GPC6: variants seen among roughly 807,000 people sequenced by gnomAD.
The protein encoded by GPC6 is glypican-6.
GPC6 carries 14 observed loss-of-function variants against 55.2 expected under a neutral mutation model. That is an observed-to-expected ratio of 0.25 (90% confidence interval 0.17 to 0.40). The LOEUF is 0.40. GPC6 is among the 10% of genes least tolerant of loss of function. The probability of loss-of-function intolerance (pLI) is 1.00; values close to 1 mark genes in which losing one functional copy is unlikely to be tolerated. For missense variants in GPC6, 641 were observed against 708.5 expected, an observed-to-expected ratio of 0.90 and a Z score of 1.08; for synonymous variants, 278 against 259.6, an observed-to-expected ratio of 1.07 and a Z score of -0.68.
At chr13:93,288,788 C>A (rs777485279) in intron 1 of GPC6, among the ~76,000 whole-genome samples, 2 of 152,162 alleles carry the variant, frequency 1.3e-5, no homozygotes, top group African/African-American at 2.4e-5. Context: ...GTAGGGCAAC[C>A]TGCAGGCATG....
Position 93,743,617 on chromosome 13 carries a change from C to A in GPC6, c.320-86537C>A, listed in dbSNP as rs113702776. 7.9e-3 allele frequency among the ~76,000 whole-genome samples: 1,200 copies of A among 152,104 alleles called. 5 individuals carry two copies. Among genetic ancestry groups the A allele is most frequent in the Non-Finnish European group, 0.012 (809 of 67,974 alleles). ...CTGTTTTATTGTACTCTTCTATGAG[C>A]CAACTCTTTGTTTATATTATTCTGA... On this transcript the variant is annotated intron_variant, in intron 2 of 8. Coordinates refer to ENST00000377047, the MANE Select transcript of GPC6 (RefSeq NM_005708.5).
chr13:93,886,033 A>G (rs984072398), intron 3 of GPC6, among the ~76,000 whole-genome samples: 1 of 152,116 alleles, frequency 6.6e-6, no homozygotes, highest in South Asian at 2.1e-4. Context: ...AGTTATTTTA[A>G]TTTGAATGTT....
At chr13:93,273,539 T>A (rs1877618960) in intron 1 of GPC6, among the ~76,000 whole-genome samples, 1 of 151,878 alleles carries the variant, frequency 6.6e-6, no homozygotes, top group Admixed American at 6.6e-5. Context: ...GCGCCTGTAG[T>A]CCCAGCTACT....
At chr13:93,573,478 A>C (rs1876508358) in intron 2 of GPC6, among the ~76,000 whole-genome samples, 1 of 148,930 alleles carries the variant, frequency 6.7e-6, no homozygotes, top group Admixed American at 6.7e-5. Context: ...GGGAAACTAC[A>C]AAAAAAAAAG....
intron 5 of GPC6, among the ~76,000 whole-genome samples, chr13:94,303,644 T>G (rs1875780627): frequency 6.6e-6 from 1 of 152,114 alleles, no homozygotes; most frequent in Non-Finnish European, 1.5e-5. Context: ...TTCCTCAGTT[T>G]TGGTCACAGA....
At chr13:93,682,642 AT>A (rs1045384911) in intron 2 of GPC6, among the ~76,000 whole-genome samples, 1 of 152,196 alleles carries the variant, frequency 6.6e-6, no homozygotes, top group Admixed American at 6.6e-5. Flanking sequence ...AATATTTGCT[AT>A]TTAGATTTCT....
chr13:93,943,646 G>A (rs780530106), intron 3 of GPC6, among the ~76,000 whole-genome samples: 1 of 152,002 alleles, frequency 6.6e-6, no homozygotes, highest in Non-Finnish European at 1.5e-5. Flanking sequence ...TGTAAAGATG[G>A]CTTCTTGCTC....
At chr13:93,746,498 A>G (rs1314086475) in intron 2 of GPC6, among the ~76,000 whole-genome samples, 2 of 152,208 alleles carry the variant, frequency 1.3e-5, no homozygotes, top group Non-Finnish European at 2.9e-5. Flanking sequence ...AGAACCCTAG[A>G]GCATCAAAAA....
Position 93,271,537 on chromosome 13 carries a change from C to T in GPC6, c.160+43921C>T, listed in dbSNP as rs73540363. On this transcript the variant is annotated intron_variant, in intron 1 of 8. Coordinates refer to ENST00000377047, the MANE Select transcript of GPC6 (RefSeq NM_005708.5). ...GATACAGCTTTAGAGTATAGATGTA[C>T]TCTTACACAGAGATCTAAAAGTAAA... Among the ~76,000 whole-genome samples, 727 of 151,646 alleles carry T rather than the reference C, an allele frequency of 4.8e-3. 4 individuals are homozygous for T. The highest frequency in any genetic ancestry group is 0.015 in the African/African-American group (631 of 41,332).
At chr13:93,298,823 G>T (rs1276071322) in intron 1 of GPC6, among the ~76,000 whole-genome samples, 1 of 151,240 alleles carries the variant, frequency 6.6e-6, no homozygotes, top group Non-Finnish European at 1.5e-5. Flanking sequence ...GTCTAGGTTA[G>T]GTATCTCTCA....
chr13:94,189,623 G>C (rs903744317), intron 4 of GPC6, among the ~76,000 whole-genome samples: 1 of 152,192 alleles, frequency 6.6e-6, no homozygotes, highest in Non-Finnish European at 1.5e-5. Context: ...GTCAAGGAAG[G>C]AGTAAATTTT....
intron 4 of GPC6, among the ~76,000 whole-genome samples, chr13:94,095,547 T>C (rs1885627896): frequency 6.6e-6 from 1 of 152,340 alleles, no homozygotes; most frequent in South Asian, 2.1e-4. Context: ...CAAAATCTGC[T>C]GTGCATTTTA....
intron 2 of GPC6, among the ~76,000 whole-genome samples, chr13:93,737,864 ATCAGCT>A (rs1182173143): frequency 2.0e-5 from 3 of 152,094 alleles, no homozygotes; most frequent in African/African-American, 7.2e-5. Context: ...TTTTTCTAAG[ATCAGCT>A]TTTCCTTAAT....
chr13:93,899,509 A>G (rs1485434488), intron 3 of GPC6, among the ~76,000 whole-genome samples: 3 of 152,046 alleles, frequency 2.0e-5, no homozygotes, highest in African/African-American at 4.8e-5. Context: ...TGAGTCTGGT[A>G]TAGCCAGGAA....
chr13:93,963,247 G>C lies in GPC6; in HGVS notation c.712-64482G>C, dbSNP rs75122519. ...TTTAGAAAAGGGTTTTCATGGTCTT[G>C]ATGAGCTTTATTTTTTTTTTCTGCA... On this transcript the variant is annotated intron_variant, in intron 3 of 8. Coordinates refer to ENST00000377047, the MANE Select transcript of GPC6 (RefSeq NM_005708.5). Among the ~76,000 whole-genome samples, 14 of 152,116 alleles carry C rather than the reference G, an allele frequency of 9.2e-5. No individual in the cohort carries two copies. In the East Asian group the frequency reaches 2.5e-3, roughly 27 times the overall value.
chr13:93,454,304 C>T (rs145360526), intron 1 of GPC6, among the ~76,000 whole-genome samples: 2 of 149,620 alleles, frequency 1.3e-5, no homozygotes, highest in African/African-American at 2.5e-5. Flanking sequence ...ACTCACAAAC[C>T]CTTTGAGCTA....
chr13:93,591,795 A>T (rs1877502277), intron 2 of GPC6, among the ~76,000 whole-genome samples: 1 of 152,170 alleles, frequency 6.6e-6, no homozygotes, highest in African/African-American at 2.4e-5. Flanking sequence ...ACTTCCCATC[A>T]GTTTGGAAGT....
At position 94,336,562 on chromosome 13, in the gene GPC6, G is replaced by GT. The variant is rs749970455; in HGVS notation, c.1152+30445dup. 3.3e-5 allele frequency among the ~76,000 whole-genome samples: 5 copies of GT among 152,288 alleles called. No homozygotes were observed. The East Asian group carries it at 9.7e-4, about 30-fold the overall frequency. ...GTAAAATATCTGCACGTCGGTAGCG[G>GT]TTTTTTAATTTGTTGCTCTTCCCAG... On this transcript the variant is annotated intron_variant, in intron 6 of 8. Transcript: ENST00000377047.
At chr13:94,071,457 T>A (rs1226045399) in intron 4 of GPC6, among the ~76,000 whole-genome samples, 1 of 152,220 alleles carries the variant, frequency 6.6e-6, no homozygotes, top group Non-Finnish European at 1.5e-5. Flanking sequence ...TGTGTCTGAC[T>A]TCCACATGCC....
Sources: gnomAD v4.1 joint callset for allele counts (sites outside exome capture counted in the v4.1 genomes callset) on GRCh38, gnomAD v4.1.1 for gene constraint, MANE v1.5 for transcripts, NCBI Gene and HGNC (gene_info 2026-07-23, HGNC 2026-07-21) for gene names.